The following ZC4H2 variants were observed in gnomAD, a reference collection of about 807,000 sequenced individuals.
The protein encoded by ZC4H2 is zinc finger C4H2-type containing.
For synonymous variants in ZC4H2, 84 were observed against 66.3 expected (o/e 1.27, Z -1.30); for missense variants, 137 against 173.9 (o/e 0.79, Z 1.19).
intron 1 of ZC4H2, among the ~76,000 whole-genome samples, chrX:65,003,601 G>A (rs1307665159): frequency 2.7e-5 from 3 of 111,618 alleles, no homozygotes; most frequent in African/African-American, 9.8e-5. Context: ...AAGGGGGCCA[G>A]GCGTGGTGGC....
At chrX:65,010,636 C>T (rs759204475) in intron 1 of ZC4H2, among the ~76,000 whole-genome samples, 1 of 111,909 alleles carries the variant, frequency 8.9e-6, no homozygotes, top group East Asian at 2.8e-4. Flanking sequence ...AATCTCTCCT[C>T]TTACTGGAGC....
rs58569761 is a variant in ZC4H2 at position 64,974,973 on chromosome X, C to CAA, written c.53+1350_53+1351dup. Among the ~76,000 whole-genome samples, 225 of 35,824 alleles carry CAA rather than the reference C, an allele frequency of 6.3e-3. 3 individuals carry two copies. The highest frequency in any genetic ancestry group is 9.9e-3 in the Non-Finnish European group (160 of 16,187). The allele number at this position is 35,824 out of a possible 115,157, so 31.1% of individuals were successfully genotyped here. A position where few individuals can be genotyped will look rare whatever the true frequency, so the allele number is the denominator to read the frequency against. On this transcript the variant is annotated intron_variant, in intron 1 of 4. Coordinates refer to ENST00000374839, the MANE Select transcript of ZC4H2 (RefSeq NM_018684.4). Reference sequence around the variant, plus strand: ...TCTAGCTAGCTTCTGATGCTTTTGCCAAAAAAAAAAAAAAAAAAAAAAAAA... The same window carrying CAA: ...TCTAGCTAGCTTCTGATGCTTTTGCCAAAAAAAAAAAAAAAAAAAAAAAAAAA...
chrX:64,941,008 T>C (rs1602400289), intron 1 of ZC4H2, among the ~76,000 whole-genome samples: 2 of 112,278 alleles, frequency 1.8e-5, no homozygotes, highest in Non-Finnish European at 3.8e-5. Context: ...ATTTTCACGA[T>C]ATTGATTCTT....
In ZC4H2 at chrX:64,917,686, G is replaced by C; in HGVS notation, c.*97C>G. ...TCCATCACATTAAATAGGAGACTTC[G>C]TGGGGTTGGGCAAGGGTTGTTTCAC... is the stretch of plus-strand genomic sequence containing the variant. On this transcript the variant is annotated 3_prime_UTR_variant, in exon 5 of 5. Coordinates refer to ENST00000374839, the MANE Select transcript of ZC4H2 (RefSeq NM_018684.4). The C allele has an allele frequency of 1.8e-6, 2 of 1,117,686 alleles. No individual in the cohort carries two copies. Among genetic ancestry groups the C allele is most frequent in the Non-Finnish European group, 1.2e-6 (1 of 836,392 alleles). The allele number at this position is 1,117,686 out of a possible 1,213,427, so 92.1% of individuals were successfully genotyped here. A position where few individuals can be genotyped will look rare whatever the true frequency, so the allele number is the denominator to read the frequency against.
chrX:65,002,067 G>T (rs1046731424), intron 1 of ZC4H2, among the ~76,000 whole-genome samples: 1 of 111,335 alleles, frequency 9.0e-6, no homozygotes, highest in Non-Finnish European at 1.9e-5. Context: ...TTCAGGACTT[G>T]AACTCAGCTC....
intron 1 of ZC4H2, among the ~76,000 whole-genome samples, chrX:64,929,546 G>C (rs1298465817): frequency 9.0e-6 from 1 of 111,526 alleles, no homozygotes; most frequent in Non-Finnish European, 1.9e-5. Flanking sequence ...TTTTGTATAA[G>C]GTGAGAGGTG....
intron 1 of ZC4H2, among the ~76,000 whole-genome samples, chrX:65,004,239 A>G (rs1932610827): frequency 1.8e-5 from 2 of 112,072 alleles, no homozygotes; most frequent in Admixed American, 1.9e-4. Flanking sequence ...TAAGAGGCCA[A>G]CATCATCCTG....
At chrX:64,949,540 A>C (rs1172807836) in intron 1 of ZC4H2, among the ~76,000 whole-genome samples, 1 of 111,901 alleles carries the variant, frequency 8.9e-6, no homozygotes, top group Non-Finnish European at 1.9e-5. Flanking sequence ...CACCCAGAGG[A>C]AAGGTAAACA....
upstream of ZC4H2, among the ~76,000 whole-genome samples, chrX:64,977,455 A>T (rs1931984188): frequency 8.9e-6 from 1 of 112,254 alleles, no homozygotes. Flanking sequence ...AAGGGTTTGG[A>T]CTTAATCCTG....
intron 1 of ZC4H2, among the ~76,000 whole-genome samples, chrX:64,957,876 AT>A (rs1213863303): frequency 1.8e-5 from 2 of 110,490 alleles, no homozygotes; most frequent in African/African-American, 3.3e-5. Context: ...ATAAAAAAAA[AT>A]AAAAATAAAA....
intron 1 of ZC4H2, among the ~76,000 whole-genome samples, chrX:64,997,915 G>A (rs898859744): frequency 6.3e-5 from 7 of 111,882 alleles, no homozygotes; most frequent in East Asian, 2.8e-4. Flanking sequence ...ACCACGCCTC[G>A]CCAAGTAGCA....
intron 1 of ZC4H2, among the ~76,000 whole-genome samples, chrX:64,970,205 A>G (rs1454689280): frequency 8.9e-6 from 1 of 112,294 alleles, no homozygotes; most frequent in Admixed American, 9.4e-5. Flanking sequence ...TTATTTGCTC[A>G]ACTGGAAACA....
intron 1 of ZC4H2, among the ~76,000 whole-genome samples, chrX:64,930,579 G>T (rs927589145): frequency 9.0e-6 from 1 of 111,634 alleles, no homozygotes; most frequent in Admixed American, 9.5e-5. Context: ...TTATAAAAAA[G>T]GGATAATTTT....
At chrX:64,984,135 T>A (rs1297701025) in intron 1 of ZC4H2, among the ~76,000 whole-genome samples, 1 of 110,826 alleles carries the variant, frequency 9.0e-6, no homozygotes, top group Non-Finnish European at 1.9e-5. Flanking sequence ...TTCTCCACCT[T>A]TATGTCCATG....
chrX:64,975,552 C>A (rs1931920240), intron 1 of ZC4H2, among the ~76,000 whole-genome samples: 1 of 111,599 alleles, frequency 9.0e-6, no homozygotes, highest in East Asian at 2.8e-4. Context: ...CTTGTGCCAG[C>A]CCACACAGCC....
chrX:64,988,521 C>T (rs1932239697), intron 1 of ZC4H2, among the ~76,000 whole-genome samples: 1 of 111,576 alleles, frequency 9.0e-6, no homozygotes, highest in African/African-American at 3.3e-5. Flanking sequence ...CTTTTGGCTG[C>T]ATAAATGTCT....
chrX:64,929,498 GT>G (rs1380276254), intron 1 of ZC4H2, among the ~76,000 whole-genome samples: 1 of 111,812 alleles, frequency 8.9e-6, no homozygotes, highest in Non-Finnish European at 1.9e-5. Context: ...TATAGTTTCA[GT>G]TCTTAGATTT....
chrX:64,925,958 G>A (rs1440471634), intron 1 of ZC4H2, among the ~76,000 whole-genome samples: 1 of 112,139 alleles, frequency 8.9e-6, no homozygotes, highest in Admixed American at 9.4e-5. Context: ...CAAGGACCAA[G>A]ACCCTGACTA....
At chrX:64,975,883 G>A (rs1931930906) in intron 1 of ZC4H2, among the ~76,000 whole-genome samples, 1 of 111,253 alleles carries the variant, frequency 9.0e-6, no homozygotes, top group African/African-American at 3.3e-5. Context: ...GGCAGCCCCT[G>A]GCAGCAGCCA....
Sources: gnomAD v4.1 joint callset for allele counts (sites outside exome capture counted in the v4.1 genomes callset) on GRCh38, gnomAD v4.1.1 for gene constraint, MANE v1.5 for transcripts, NCBI Gene and HGNC (gene_info 2026-07-23, HGNC 2026-07-21) for gene names.